Variants in NRCAM observed in about 807,000 individuals in gnomAD.
The protein encoded by NRCAM is NgCAM-related cell adhesion molecule.
NRCAM carries 83 observed loss-of-function variants against 156.5 expected under a neutral mutation model. The observed-to-expected ratio is 0.53, with a 90% CI of 0.44 to 0.64. The LOEUF (loss-of-function observed/expected upper bound fraction) is 0.64. Ranked by LOEUF, NRCAM falls within the 30% of genes least tolerant of loss-of-function variation. NRCAM has a pLI of 0.00. For synonymous variants in NRCAM, 538 were observed against 563.9 expected (o/e 0.95, Z 0.65); for missense variants, 1,417 against 1,597.3 (o/e 0.89, Z 1.92).
chr7:108,417,903 A>C (rs999437955), intron 1 of NRCAM, among the ~76,000 whole-genome samples: 3 of 152,230 alleles, frequency 2.0e-5, no homozygotes, highest in Non-Finnish European at 4.4e-5. Flanking sequence ...AACAATTTGT[A>C]CACAAAGTGG....
chr7:108,452,223 G>A (rs1031361999), intron 1 of NRCAM, among the ~76,000 whole-genome samples: 3 of 152,194 alleles, frequency 2.0e-5, no homozygotes, highest in Admixed American at 2.0e-4. Flanking sequence ...TTGCTAGTGG[G>A]TAGGGGAATT....
In NRCAM at chr7:108,150,160, GA is replaced by G. The variant is rs750396732; in HGVS notation, c.3678-14del. On this transcript the variant is annotated splice_polypyrimidine_tract_variant and intron_variant, in intron 32 of 32. Coordinates refer to ENST00000379028, the MANE Select transcript of NRCAM (RefSeq NM_001037132.4). ...GTCTTCTGCATCACTGGAAGAAAGAGAAAACATTTTTGTCAAGATTGGCATT... is the reference window on the plus strand; with the variant it reads ...GTCTTCTGCATCACTGGAAGAAAGAGAAACATTTTTGTCAAGATTGGCATT... The G allele has an allele frequency of 7.3e-5, 115 of 1,578,414 alleles. No individual in the cohort carries two copies. The highest frequency in any genetic ancestry group is 8.9e-5 in the Non-Finnish European group (104 of 1,167,488).
chr7:108,398,229 C>A (rs1596416812), intron 2 of NRCAM, among the ~76,000 whole-genome samples: 1 of 152,122 alleles, frequency 6.6e-6, no homozygotes, highest in African/African-American at 2.4e-5. Context: ...CCCCTTCTGG[C>A]ATCATAATGT....
At chr7:108,446,508 T>A (rs866486529) in intron 1 of NRCAM, among the ~76,000 whole-genome samples, 2 of 152,260 alleles carry the variant, frequency 1.3e-5, no homozygotes, top group East Asian at 1.9e-4. Flanking sequence ...CCACCATGCA[T>A]AATGTGAAGA....
At chr7:108,189,360 A>G (rs1330636477) in intron 20 of NRCAM, among the ~76,000 whole-genome samples, 3 of 152,240 alleles carry the variant, frequency 2.0e-5, no homozygotes, top group Non-Finnish European at 4.4e-5. Flanking sequence ...ATCTTCCTAC[A>G]TGGTAGATAT....
intron 3 of NRCAM, among the ~76,000 whole-genome samples, chr7:108,285,987 G>C (rs1254227492): frequency 6.6e-6 from 1 of 152,170 alleles, no homozygotes; most frequent in African/African-American, 2.4e-5. Context: ...TTTCTGGAAA[G>C]GGTCAAAAAC....
intron 1 of NRCAM, among the ~76,000 whole-genome samples, chr7:108,452,443 T>G (rs997807928): frequency 6.6e-6 from 1 of 152,104 alleles, no homozygotes; most frequent in Non-Finnish European, 1.5e-5. Context: ...TTGATCCCAA[T>G]AGAGGCTGTT....
chr7:108,451,424 A>C (rs6976478), intron 1 of NRCAM, among the ~76,000 whole-genome samples: 96,112 of 151,736 alleles, frequency 0.63, 30,990 homozygotes, highest in African/African-American at 0.77. Flanking sequence ...AAAAAATAGA[A>C]CTACCATATG....
chr7:108,403,550 C>A (rs2099798910), intron 1 of NRCAM, among the ~76,000 whole-genome samples: 1 of 152,088 alleles, frequency 6.6e-6, no homozygotes. Flanking sequence ...TGCCAATTAT[C>A]CTGAAAATAT....
chr7:108,196,337 G>C (rs975244859), intron 14 of NRCAM, among the ~76,000 whole-genome samples: 1 of 152,140 alleles, frequency 6.6e-6, no homozygotes, highest in Non-Finnish European at 1.5e-5. Context: ...AGACAAATGG[G>C]ATTACACCAG....
intron 3 of NRCAM, among the ~76,000 whole-genome samples, chr7:108,306,072 T>A (rs776696928): frequency 1.2e-4 from 19 of 152,188 alleles, no homozygotes; most frequent in Admixed American, 3.3e-4. Context: ...TTGGGGTTAA[T>A]TATTATTACT....
chr7:108,252,083 A>C (rs747307323), intron 3 of NRCAM, among the ~76,000 whole-genome samples: 1 of 152,224 alleles, frequency 6.6e-6, no homozygotes, highest in Non-Finnish European at 1.5e-5. Context: ...CACTAAGACT[A>C]AGATTTGAGA....
intron 2 of NRCAM, among the ~76,000 whole-genome samples, chr7:108,358,777 G>C (rs914212852): frequency 6.6e-6 from 1 of 152,154 alleles, no homozygotes; most frequent in Non-Finnish European, 1.5e-5. Flanking sequence ...ACTGCCTCTG[G>C]GTATGTGAAT....
chr7:108,202,421 T>C (rs1416074447), intron 13 of NRCAM, among the ~76,000 whole-genome samples: 1 of 152,208 alleles, frequency 6.6e-6, no homozygotes, highest in East Asian at 1.9e-4. Context: ...CATATAGTAT[T>C]TTATGCATTT....
At chr7:108,324,879 T>A (rs986434800) in intron 2 of NRCAM, among the ~76,000 whole-genome samples, 2,001 of 11,046 alleles carry the variant, frequency 0.18, 113 homozygotes, top group South Asian at 0.35. Context: ...GCACTGTACT[T>A]TTTTTTTTTT....
intron 1 of NRCAM, among the ~76,000 whole-genome samples, chr7:108,451,214 G>A (rs548023944): frequency 8.9e-4 from 122 of 137,790 alleles, no homozygotes; most frequent in African/African-American, 3.0e-3. Context: ...GCGAGACTCC[G>A]TCTCCAAAAA....
chr7:108,205,062 A>G (rs545682594), intron 13 of NRCAM, among the ~76,000 whole-genome samples: 3 of 152,306 alleles, frequency 2.0e-5, no homozygotes, highest in Admixed American at 2.0e-4. Context: ...TATGGTCTGA[A>G]TATTTGTGTC....
intron 2 of NRCAM, among the ~76,000 whole-genome samples, chr7:108,327,562 C>G (rs955160843): frequency 5.3e-5 from 8 of 151,980 alleles, no homozygotes; most frequent in African/African-American, 1.9e-4. Context: ...TAGCTTGAAA[C>G]CAAATTGCAT....
intron 2 of NRCAM, among the ~76,000 whole-genome samples, chr7:108,365,340 G>C (rs1279306658): frequency 6.6e-6 from 1 of 151,814 alleles, no homozygotes; most frequent in African/African-American, 2.4e-5. Context: ...CTCAAATCTT[G>C]TATTTCTCAT....
Sources: allele counts gnomAD v4.1 joint callset (sites outside exome capture counted in the v4.1 genomes callset), GRCh38; gene constraint gnomAD v4.1.1; transcripts MANE v1.5; gene names NCBI Gene and HGNC (gene_info 2026-07-23, HGNC 2026-07-21).